The following INTS4 variants were observed in gnomAD, a reference collection of about 807,000 sequenced individuals.
INTS4 encodes integrator complex subunit 4.
A neutral mutation model predicts 119.5 loss-of-function variants in INTS4; 70 were observed. That is an observed-to-expected ratio of 0.59 (90% confidence interval 0.48 to 0.71). The LOEUF is 0.71. INTS4 is among the 30% of genes least tolerant of loss of function. The probability of loss-of-function intolerance (pLI) is 0.00; values close to 1 mark genes in which losing one functional copy is unlikely to be tolerated. For missense variants in INTS4, 867 were observed against 1,173.2 expected, an observed-to-expected ratio of 0.74 and a Z score of 3.81; for synonymous variants, 316 against 419.6, an observed-to-expected ratio of 0.75 and a Z score of 3.02.
At chr11:77,976,088 A>G (rs1855939916) in intron 4 of INTS4, among the ~76,000 whole-genome samples, 1 of 151,802 alleles carries the variant, frequency 6.6e-6, no homozygotes, top group Admixed American at 6.6e-5. Context: ...AAACATATGA[A>G]AAAGAAACCT....
intron 10 of INTS4, among the ~76,000 whole-genome samples, chr11:77,933,792 G>C (rs552689817): frequency 6.6e-6 from 1 of 151,420 alleles, no homozygotes; most frequent in African/African-American, 2.4e-5. Flanking sequence ...GTCTCCGCCC[G>C]GCAGCCGCCC....
chr11:77,961,143 T>TAAAAAAAAA lies in INTS4; in HGVS notation c.472-14_472-6dup, dbSNP rs11370501. 9.9e-5 allele frequency: 121 copies of TAAAAAAAAA among 1,216,246 alleles called. No individual in the cohort carries two copies. The highest frequency in any genetic ancestry group is 3.5e-4 in the South Asian group (13 of 36,724). The allele number at this position is 1,216,246 out of a possible 1,614,324, so 75.3% of individuals were successfully genotyped here. On this transcript the variant is annotated splice_region_variant and splice_polypyrimidine_tract_variant and intron_variant, in intron 4 of 22. Coordinates refer to ENST00000534064, the MANE Select transcript of INTS4 (RefSeq NM_033547.4). ...ATGAGACGTATCTGTCAGATGCTAT[T>TAAAAAAAAA]AAAAAAAAAAAAAAAAAGAAAAAAA...
chr11:77,941,690 G>C (rs1045705647), intron 8 of INTS4, among the ~76,000 whole-genome samples: 3 of 152,080 alleles, frequency 2.0e-5, no homozygotes, highest in African/African-American at 7.2e-5. Context: ...ATTTTTAGTA[G>C]AGACGGGGTT....
intron 1 of INTS4, among the ~76,000 whole-genome samples, chr11:77,992,788 A>G (rs1163699282): frequency 6.6e-6 from 1 of 152,222 alleles, no homozygotes; most frequent in Non-Finnish European, 1.5e-5. Context: ...TTATTATCAC[A>G]GAGCTAGTCG....
Position 77,879,085 on chromosome 11 carries a change from G to T in INTS4, c.2756C>A (p.Ser919Tyr). Residue 919 changes from serine (S) to tyrosine (Y), a missense_variant, in exon 23 of 23, where the codon TCC becomes TAC. Ser to Tyr is a moderately radical substitution (Grantham distance 144, BLOSUM62 -2). Around this residue, in one of 5 missense-constraint regions of INTS4, gnomAD observed 122 missense variants for 133.2 expected, o/e 0.92. Transcript: ENST00000534064. Reference sequence around the variant, plus strand: ...GGGGCATTTTGGAATGCGAGCACTGGAGTTGTAGGCCAGCAGCAGCCTCAC... The same window carrying T: ...GGGGCATTTTGGAATGCGAGCACTGTAGTTGTAGGCCAGCAGCAGCCTCAC... ...VEVRLLLAYN[S>Y]SARIPKCPWM... The T allele has an allele frequency of 6.2e-7, 1 of 1,614,152 alleles. No individual in the cohort carries two copies.
Position 77,968,168 on chromosome 11 carries a change from T to C in INTS4, c.472-7030A>G, listed in dbSNP as rs1315718049. Among the ~76,000 whole-genome samples the C allele has an allele frequency of 2.0e-5, 3 of 152,226 alleles. No homozygotes were observed. In the East Asian group the frequency reaches 5.8e-4, roughly 29 times the overall value. On this transcript the variant is annotated intron_variant, in intron 4 of 22. Transcript: ENST00000534064. ...AACCTTATGGGACCACTGTTGTATATGCAGTCCATCCTTGACTGAAATGTC... is the reference window on the plus strand; with the variant it reads ...AACCTTATGGGACCACTGTTGTATACGCAGTCCATCCTTGACTGAAATGTC...
chr11:77,880,944 C>A (rs929939136), intron 22 of INTS4, among the ~76,000 whole-genome samples: 2 of 151,690 alleles, frequency 1.3e-5, no homozygotes, highest in Middle Eastern at 3.4e-3. Flanking sequence ...AACAAACAAA[C>A]AAAAAAACAA....
intron 22 of INTS4, among the ~76,000 whole-genome samples, chr11:77,882,988 C>T (rs185768594): frequency 1.3e-5 from 2 of 152,186 alleles, no homozygotes; most frequent in Middle Eastern, 6.8e-3. Flanking sequence ...AGGAGAAGCA[C>T]CTGAACCCAG....
intron 22 of INTS4, among the ~76,000 whole-genome samples, chr11:77,882,223 G>A (rs531916527): frequency 6.6e-6 from 1 of 152,212 alleles, no homozygotes; most frequent in South Asian, 2.1e-4. Context: ...TCTTGTATAA[G>A]TTAAAATTAT....
intron 21 of INTS4, among the ~76,000 whole-genome samples, chr11:77,884,471 A>C (rs1951915815): frequency 1.3e-5 from 2 of 152,192 alleles, no homozygotes; most frequent in South Asian, 2.1e-4. Flanking sequence ...ACTGCAACAG[A>C]GTTCTTTCCT....
At chr11:77,962,990 G>A (rs1855305068) in intron 4 of INTS4, among the ~76,000 whole-genome samples, 1 of 152,136 alleles carries the variant, frequency 6.6e-6, no homozygotes, top group South Asian at 2.1e-4. Context: ...ACTCCAGCCT[G>A]AGCAACAGAG....
intron 22 of INTS4, among the ~76,000 whole-genome samples, chr11:77,882,636 A>G (rs1261999382): frequency 2.0e-5 from 3 of 152,190 alleles, no homozygotes; most frequent in African/African-American, 7.2e-5. Context: ...TACTCAGGGA[A>G]GCACGTCCTG....
intron 14 of INTS4, 38 bp from the exon 15 acceptor site, chr11:77,919,016 G>A: frequency 6.2e-7 from 1 of 1,611,146 alleles, no homozygotes. Context: ...TAAGTTTGGT[G>A]GCTCAGCTTT....
At chr11:77,912,467 T>A (rs1953111683) in intron 15 of INTS4, among the ~76,000 whole-genome samples, 3 of 152,206 alleles carry the variant, frequency 2.0e-5, no homozygotes, top group Admixed American at 2.0e-4. Context: ...GCAATCTATA[T>A]GATGCCACTA....
chr11:77,939,552 A>C (rs1228222005), intron 9 of INTS4, among the ~76,000 whole-genome samples: 1 of 152,246 alleles, frequency 6.6e-6, no homozygotes. Flanking sequence ...CTCACTTTAC[A>C]CAGAGATTGC....
At chr11:77,895,614 T>C (rs1385139237) in intron 18 of INTS4, among the ~76,000 whole-genome samples, 5 of 146,078 alleles carry the variant, frequency 3.4e-5, no homozygotes, top group African/African-American at 1.3e-4. Context: ...TGAAATTTCA[T>C]AGTGAGGTTA....
intron 4 of INTS4, among the ~76,000 whole-genome samples, chr11:77,977,503 A>G (rs1320985269): frequency 2.0e-5 from 3 of 151,990 alleles, no homozygotes; most frequent in Non-Finnish European, 1.5e-5. Flanking sequence ...TGATTACAGC[A>G]ATGTATTTAA....
At chr11:77,920,206 C>CACATATATATACACATATATAT (rs1555026387) in intron 14 of INTS4, among the ~76,000 whole-genome samples, 4,034 of 88,918 alleles carry the variant, frequency 0.045, 153 homozygotes, top group African/African-American at 0.11. Context: ...CATATATATA[C>CACATATATATACACATATATAT]ACACATATAT....
chr11:77,990,544 G>A (rs1565296414), intron 2 of INTS4, among the ~76,000 whole-genome samples: 1 of 151,888 alleles, frequency 6.6e-6, no homozygotes, highest in Non-Finnish European at 1.5e-5. Context: ...AAATTAGCAG[G>A]GTGTGGTGGC....
Sources: gnomAD v4.1 joint callset for allele counts (sites outside exome capture counted in the v4.1 genomes callset) on GRCh38, gnomAD v4.1.1 for gene constraint, gnomAD v4.1.1 regional missense constraint, MANE v1.5 for transcripts, NCBI Gene and HGNC (gene_info 2026-07-23, HGNC 2026-07-21) for gene names.